SNX29: variants seen among roughly 807,000 people sequenced by gnomAD.
SNX29 encodes sorting nexin 29, also known as sorting nexin-29.
SNX29 carries 78 observed loss-of-function variants against 102.1 expected under a neutral mutation model. The observed-to-expected ratio is 0.76, with a 90% CI of 0.64 to 0.92. SNX29 has a LOEUF of 0.92. SNX29 is among the 40% of genes least tolerant of loss of function. The pLI, the probability that SNX29 is intolerant of heterozygous loss-of-function variation, is 0.00. For synonymous variants in SNX29, 580 were observed against 414.5 expected, an observed-to-expected ratio of 1.40 and a Z score of -4.85; for missense variants, 1,280 against 1,061.7, an observed-to-expected ratio of 1.21 and a Z score of -2.86.
chr16:12,354,318 CTT>C (rs2082071805), intron 15 of SNX29, among the ~76,000 whole-genome samples: 2 of 152,138 alleles, frequency 1.3e-5, no homozygotes, highest in East Asian at 1.9e-4. Context: ...AATTTTGTCT[CTT>C]AAGTTGCATG....
At chr16:12,322,923 G>C (rs991634649) in intron 15 of SNX29, among the ~76,000 whole-genome samples, 61 of 143,192 alleles carry the variant, frequency 4.3e-4, no homozygotes, top group Non-Finnish European at 6.5e-4. Context: ...GGAGTCACCG[G>C]GGACCACTGT....
At chr16:12,382,836 TCTC>T (rs2083220721) in intron 16 of SNX29, among the ~76,000 whole-genome samples, 1 of 152,006 alleles carries the variant, frequency 6.6e-6, no homozygotes, top group Non-Finnish European at 1.5e-5. Flanking sequence ...TACTTGGCCT[TCTC>T]CTGCTTCTCT....
At chr16:12,389,361 G>C (rs188752338) in intron 16 of SNX29, among the ~76,000 whole-genome samples, 1 of 151,920 alleles carries the variant, frequency 6.6e-6, no homozygotes, top group Admixed American at 6.6e-5. Flanking sequence ...ATCGAATCAC[G>C]GGGGCGGTTT....
chr16:12,304,671 G>C (rs1355641007), intron 15 of SNX29, among the ~76,000 whole-genome samples: 1 of 152,180 alleles, frequency 6.6e-6, no homozygotes, highest in African/African-American at 2.4e-5. Context: ...GGGATTACAG[G>C]TGTGAGCCAC....
At chr16:12,310,216 G>T (rs1249505858) in intron 15 of SNX29, among the ~76,000 whole-genome samples, 2 of 152,198 alleles carry the variant, frequency 1.3e-5, no homozygotes, top group African/African-American at 4.8e-5. Flanking sequence ...TACATGCATT[G>T]CATTAGGAGA....
intron 8 of SNX29, among the ~76,000 whole-genome samples, chr16:12,053,517 A>T (rs1283720762): frequency 1.3e-5 from 2 of 152,134 alleles, no homozygotes; most frequent in Non-Finnish European, 2.9e-5. Flanking sequence ...CAACACAGCA[A>T]GACTCTGTCT....
At chr16:12,031,528 C>T (rs950163611) in intron 4 of SNX29, among the ~76,000 whole-genome samples, 2 of 151,628 alleles carry the variant, frequency 1.3e-5, no homozygotes, top group African/African-American at 4.8e-5. Flanking sequence ...AAAATATGGC[C>T]GGGCGTGGTG....
chr16:12,280,548 A>G (rs188874040), intron 15 of SNX29, among the ~76,000 whole-genome samples: 1 of 151,730 alleles, frequency 6.6e-6, no homozygotes, highest in Admixed American at 6.6e-5. Context: ...TTATCCCGGG[A>G]GCAGTAGAGA....
rs1444842359 is a variant in SNX29 at position 12,573,585 on chromosome 16, C to A, written c.*4956C>A. ...GAAAACCACTCACCCAGGCTTCCCCCACTTCCCCTCAAATTTTCTCAGCTC... is the reference window on the plus strand; with the variant it reads ...GAAAACCACTCACCCAGGCTTCCCCAACTTCCCCTCAAATTTTCTCAGCTC... On this transcript the variant is annotated 3_prime_UTR_variant, in exon 21 of 21. Coordinates refer to ENST00000566228, the MANE Select transcript of SNX29 (RefSeq NM_032167.5). 9.0e-6 allele frequency: 2 copies of A among 222,928 alleles called. No homozygotes were observed. The highest frequency in any genetic ancestry group is 6.5e-5 in the East Asian group (1 of 15,302). 13.8% of individuals were successfully genotyped at this position (222,928 alleles called of 1,614,324 possible).
intron 20 of SNX29, chr16:12,561,172 A>C (rs2078703661): frequency 4.3e-6 from 1 of 230,258 alleles, no homozygotes; most frequent in Non-Finnish European, 8.6e-6. Context: ...AAGGCTATTC[A>C]GCCTGGCATG....
intron 11 of SNX29, among the ~76,000 whole-genome samples, chr16:12,124,963 G>A (rs1231587079): frequency 6.6e-6 from 1 of 152,194 alleles, no homozygotes; most frequent in Non-Finnish European, 1.5e-5. Context: ...GTGAGCTGTG[G>A]CAGGTCATAA....
intron 18 of SNX29, among the ~76,000 whole-genome samples, chr16:12,404,961 T>A (rs1050061002): frequency 2.0e-5 from 3 of 152,226 alleles, no homozygotes; most frequent in Non-Finnish European, 2.9e-5. Context: ...GTTTGACACC[T>A]TCAGCTGGGC....
chr16:12,507,142 G>C (rs1238698867), intron 19 of SNX29, among the ~76,000 whole-genome samples: 1 of 152,234 alleles, frequency 6.6e-6, no homozygotes, highest in Non-Finnish European at 1.5e-5. Flanking sequence ...CAGAGGTGAT[G>C]AGACCGAAAT....
At chr16:12,249,713 G>A (rs576590415) in intron 14 of SNX29, among the ~76,000 whole-genome samples, 104 of 152,324 alleles carry the variant, frequency 6.8e-4, no homozygotes, top group Non-Finnish European at 1.2e-3. Flanking sequence ...TTCACAGGGA[G>A]ATCATTGAGA....
chr16:12,361,209 C>A (rs1335859060), intron 16 of SNX29, among the ~76,000 whole-genome samples: 1 of 152,210 alleles, frequency 6.6e-6, no homozygotes, highest in Non-Finnish European at 1.5e-5. Flanking sequence ...GCCAGCCTCT[C>A]TGTTGTCCCT....
intron 16 of SNX29, among the ~76,000 whole-genome samples, chr16:12,371,420 C>G (rs11649382): frequency 0.7 from 105,606 of 151,476 alleles, 38,213 homozygotes; most frequent in Non-Finnish European, 0.81. Context: ...ACTTCAGGCT[C>G]CGGAGAAGCT....
Position 12,403,468 on chromosome 16 carries a change from A to G in SNX29, c.1976A>G (p.Asn659Ser). Residue 659 changes from asparagine to serine, a missense_variant, in exon 18 of 21, where the codon AAC becomes AGC. Coordinates refer to ENST00000566228, the MANE Select transcript of SNX29 (RefSeq NM_032167.5). Reference protein sequence around the residue: ...DFEISNRALINVWIPSVFLRG... With the variant: ...DFEISNRALISVWIPSVFLRG... Reference sequence around the variant, plus strand: ...GTTAGATCAAACCGGGCGCTGATCAACGTCTGGATCCCCTCAGTGTTTCTC... The same window carrying G: ...GTTAGATCAAACCGGGCGCTGATCAGCGTCTGGATCCCCTCAGTGTTTCTC... The G allele has an allele frequency of 1.2e-6, 2 of 1,609,118 alleles. No individual in the cohort carries two copies. Among genetic ancestry groups the G allele is most frequent in the Non-Finnish European group, 1.7e-6 (2 of 1,177,746 alleles).
intron 18 of SNX29, among the ~76,000 whole-genome samples, chr16:12,404,127 A>G (rs1440518344): frequency 1.3e-5 from 2 of 152,118 alleles, no homozygotes; most frequent in South Asian, 2.1e-4. Flanking sequence ...CACATGTCTG[A>G]GAGTGGGGAA....
In SNX29 at chr16:12,034,086, C is replaced by G. The variant is rs538282171; in HGVS notation, c.247+6642C>G. Among the ~76,000 whole-genome samples, 15 of 152,316 alleles carry G rather than the reference C, an allele frequency of 9.8e-5. 1 individual carries two copies. Among genetic ancestry groups the G allele is most frequent in the African/African-American group, 3.4e-4 (14 of 41,570 alleles). On this transcript the variant is annotated intron_variant, in intron 4 of 20. Coordinates refer to ENST00000566228, the MANE Select transcript of SNX29 (RefSeq NM_032167.5). Reference sequence around the variant, plus strand: ...GGAAGCGGTGGTAATATACCCATAACTGTAAAATGAGAGAGACCGACTTCC... The same window carrying G: ...GGAAGCGGTGGTAATATACCCATAAGTGTAAAATGAGAGAGACCGACTTCC...
Sources: gnomAD v4.1 joint callset for allele counts (sites outside exome capture counted in the v4.1 genomes callset) on GRCh38, gnomAD v4.1.1 for gene constraint, MANE v1.5 for transcripts, NCBI Gene and HGNC (gene_info 2026-07-23, HGNC 2026-07-21) for gene names.